The following MSRA variants were observed in gnomAD, a reference collection of about 807,000 sequenced individuals.
The protein encoded by MSRA is mitochondrial peptide methionine sulfoxide reductase.
In MSRA, 54 loss-of-function variants were observed where a neutral mutation model predicts 31.3. The observed-to-expected ratio is 1.73, with a 90% CI of 1.39 to 2.17. MSRA has a LOEUF of 2.17. Among genes scored for constraint, MSRA ranks in the 30% most tolerant of loss-of-function variants. MSRA has a pLI of 0.00. For synonymous variants in MSRA, 169 were observed against 116.5 expected (o/e 1.45, Z -2.90); for missense variants, 507 against 300.9 (o/e 1.69, Z -5.07).
intron 2 of MSRA, among the ~76,000 whole-genome samples, chr8:10,218,031 C>T (rs2129065576): frequency 6.6e-6 from 1 of 152,112 alleles, no homozygotes; most frequent in East Asian, 1.9e-4. Flanking sequence ...GTATTTTCTA[C>T]AAACCGAGAG....
At chr8:10,395,363 C>T (rs1233479546) in intron 5 of MSRA, among the ~76,000 whole-genome samples, 1 of 152,082 alleles carries the variant, frequency 6.6e-6, no homozygotes, top group Non-Finnish European at 1.5e-5. Flanking sequence ...CCGCCATGTT[C>T]ACTAAGGGGA....
chr8:10,204,840 T>C (rs1307684840), intron 1 of MSRA, among the ~76,000 whole-genome samples: 1 of 152,256 alleles, frequency 6.6e-6, no homozygotes, highest in Non-Finnish European at 1.5e-5. Flanking sequence ...TCTGTGTCCA[T>C]ACGCTGAGAG....
intron 3 of MSRA, among the ~76,000 whole-genome samples, chr8:10,256,069 T>C (rs757800843): frequency 1.7e-4 from 26 of 152,240 alleles, no homozygotes; most frequent in Non-Finnish European, 3.5e-4. Context: ...GTGTCCACCA[T>C]GAAGTTATTG....
At chr8:10,308,402 G>A (rs1316294617) in intron 4 of MSRA, among the ~76,000 whole-genome samples, 3 of 152,144 alleles carry the variant, frequency 2.0e-5, no homozygotes, top group East Asian at 1.9e-4. Flanking sequence ...CTCGCTGTGC[G>A]GACAGGCCTC....
chr8:10,206,075 C>G (rs1433694677), intron 1 of MSRA, among the ~76,000 whole-genome samples: 8 of 152,044 alleles, frequency 5.3e-5, no homozygotes, highest in Non-Finnish European at 1.0e-4. Flanking sequence ...TGTATTCTTA[C>G]GAGTGGGATT....
At chr8:10,240,162 C>T (rs1236903131) in intron 2 of MSRA, among the ~76,000 whole-genome samples, 1 of 152,194 alleles carries the variant, frequency 6.6e-6, no homozygotes, top group Non-Finnish European at 1.5e-5. Flanking sequence ...TGTAAGAACA[C>T]ATCACTGGCC....
intron 5 of MSRA, among the ~76,000 whole-genome samples, chr8:10,388,727 C>G (rs1310322076): frequency 6.6e-6 from 1 of 152,040 alleles, no homozygotes; most frequent in Non-Finnish European, 1.5e-5. Flanking sequence ...AGCAGGGTTT[C>G]TCATTGGCTT....
intron 1 of MSRA, among the ~76,000 whole-genome samples, chr8:10,122,784 G>T (rs1034767541): frequency 6.6e-6 from 1 of 152,050 alleles, no homozygotes; most frequent in Admixed American, 6.6e-5. Flanking sequence ...AAAACATGAG[G>T]TATTTGGTTT....
intron 1 of MSRA, among the ~76,000 whole-genome samples, chr8:10,128,813 G>C (rs1354073550): frequency 6.6e-6 from 1 of 152,178 alleles, no homozygotes; most frequent in African/African-American, 2.4e-5. Flanking sequence ...TCATGCAACA[G>C]ATATTTACTA....
rs959787681 is a variant in MSRA at position 10,428,094 on chromosome 8, C to T, written c.544-54C>T. The T allele has an allele frequency of 4.9e-5, 77 of 1,568,426 alleles. 1 individual carries two copies. Among genetic ancestry groups the T allele is most frequent in the Non-Finnish European group, 5.6e-5 (65 of 1,160,304 alleles). ...CCTGGCCCCTCAGTGCCACCCCTCG[C>T]AGGTGCTGTCTCTCTAGCATGGGAG... On this transcript the variant is annotated intron_variant, in intron 5 of 5. Coordinates refer to ENST00000317173, the MANE Select transcript of MSRA (RefSeq NM_012331.5).
chr8:10,426,158 A>G (rs1049760895), intron 5 of MSRA, among the ~76,000 whole-genome samples: 1 of 152,134 alleles, frequency 6.6e-6, no homozygotes, highest in African/African-American at 2.4e-5. Context: ...GCTAACTCTA[A>G]ATCTACCCCT....
chr8:10,174,046 T>G (rs567768800), intron 1 of MSRA, among the ~76,000 whole-genome samples: 10 of 152,230 alleles, frequency 6.6e-5, no homozygotes, highest in African/African-American at 2.4e-4. Flanking sequence ...AGCTTGGAAC[T>G]CTGGCTGATG....
chr8:10,193,991 C>A (rs1807753294), intron 1 of MSRA, among the ~76,000 whole-genome samples: 1 of 151,876 alleles, frequency 6.6e-6, no homozygotes, highest in Non-Finnish European at 1.5e-5. Flanking sequence ...AGAATGTGAA[C>A]ATATAAAATA....
Position 10,097,606 on chromosome 8 carries a change from T to C in MSRA, c.142+42948T>C, listed in dbSNP as rs1799263906. ...CTTCTTAAACATTTAACATAACTTC[T>C]TGCCATTTAGGTTTGCTAAATATAT... On this transcript the variant is annotated intron_variant, in intron 1 of 5. Transcript: ENST00000317173. 2.0e-5 allele frequency among the ~76,000 whole-genome samples: 3 copies of C among 152,224 alleles called. No individual in the cohort carries two copies. In the South Asian group the frequency reaches 6.2e-4, roughly 31 times the overall value.
Position 10,325,529 on chromosome 8 carries a change from A to T in MSRA, c.543+5540A>T, listed in dbSNP as rs138345314. Among the ~76,000 whole-genome samples the T allele has an allele frequency of 6.8e-3, 1,036 of 152,288 alleles. 9 individuals are homozygous for T. The highest frequency in any genetic ancestry group is 0.024 in the African/African-American group (1,004 of 41,554). On this transcript the variant is annotated intron_variant, in intron 5 of 5. Transcript: ENST00000317173. ...TCTCTCTATGTCTTTATATAAAGTT[A>T]AATGCATTCATGTATTTATGAGGCC...
chr8:10,369,287 C>T (rs575150256), intron 5 of MSRA, among the ~76,000 whole-genome samples: 2 of 151,876 alleles, frequency 1.3e-5, no homozygotes, highest in Non-Finnish European at 2.9e-5. Context: ...TATCTGTCTC[C>T]TCAGCTAAGA....
intron 1 of MSRA, among the ~76,000 whole-genome samples, chr8:10,116,171 C>G (rs1056966734): frequency 2.0e-4 from 31 of 152,242 alleles, no homozygotes; most frequent in Admixed American, 1.3e-4. Flanking sequence ...TTATGGCAAG[C>G]TTGTCCAACC....
chr8:10,075,099 A>G (rs1414505468), intron 1 of MSRA, among the ~76,000 whole-genome samples: 1 of 152,144 alleles, frequency 6.6e-6, no homozygotes, highest in Non-Finnish European at 1.5e-5. Flanking sequence ...TGAAGACTTC[A>G]TATATTGTCT....
At chr8:10,376,869 G>T (rs1167084807) in intron 5 of MSRA, among the ~76,000 whole-genome samples, 1 of 152,204 alleles carries the variant, frequency 6.6e-6, no homozygotes, top group Non-Finnish European at 1.5e-5. Context: ...AAATACGCAG[G>T]TGCCTTCTTT....
Sources: gnomAD v4.1 joint callset for allele counts (sites outside exome capture counted in the v4.1 genomes callset) on GRCh38, gnomAD v4.1.1 for gene constraint, MANE v1.5 for transcripts, NCBI Gene and HGNC (gene_info 2026-07-23, HGNC 2026-07-21) for gene names.